The following CDC14B variants were observed in gnomAD, a reference collection of about 807,000 sequenced individuals.
The protein encoded by CDC14B is dual specificity protein phosphatase CDC14B.
In CDC14B, 22 loss-of-function variants were observed where a neutral mutation model predicts 64.2. The observed-to-expected ratio is 0.34, with a 90% CI of 0.24 to 0.49. The LOEUF is 0.49. Among genes scored for constraint, CDC14B ranks in the 20% least tolerant of loss-of-function variants. CDC14B has a pLI of 0.99. For synonymous variants in CDC14B, 191 were observed against 215.8 expected (o/e 0.89, Z 1.01); for missense variants, 498 against 629.9 (o/e 0.79, Z 2.24).
intron 5 of CDC14B, among the ~76,000 whole-genome samples, chr9:96,544,579 T>C (rs1324109389): frequency 1.3e-5 from 2 of 152,138 alleles, no homozygotes; most frequent in Non-Finnish European, 2.9e-5. Flanking sequence ...ACTGCAGCCT[T>C]GACCTCCTGG....
chr9:96,575,496 A>G (rs532865831), intron 1 of CDC14B, among the ~76,000 whole-genome samples: 55 of 152,332 alleles, frequency 3.6e-4, no homozygotes, highest in African/African-American at 1.3e-3. Context: ...TAGAAGAACT[A>G]TATAAGTTTT....
At chr9:96,543,420 A>G (rs1840371827) in intron 5 of CDC14B, among the ~76,000 whole-genome samples, 1 of 152,190 alleles carries the variant, frequency 6.6e-6, no homozygotes, top group South Asian at 2.1e-4. Context: ...AGGTGTAAAC[A>G]GCTGTGCCCT....
At chr9:96,522,445 C>T (rs1278924601) in intron 12 of CDC14B, 61 bp downstream of exon 12, 5 of 1,092,256 alleles carry the variant, frequency 4.6e-6, no homozygotes, top group Non-Finnish European at 7.1e-6. Flanking sequence ...GAAAAACCCT[C>T]ACCAAGGACC....
At chr9:96,495,114 G>A (rs568863762), downstream of CDC14B, among the ~76,000 whole-genome samples, 4 of 152,108 alleles carry the variant, frequency 2.6e-5, no homozygotes, top group East Asian at 3.9e-4. Context: ...GATTACAGGC[G>A]TGAGCCACCG....
intron 1 of CDC14B, among the ~76,000 whole-genome samples, chr9:96,593,856 A>C (rs1356355731): frequency 6.6e-6 from 1 of 152,200 alleles, no homozygotes; most frequent in Non-Finnish European, 1.5e-5. Flanking sequence ...CATGATAAAG[A>C]TGATAAACCA....
intron 1 of CDC14B, among the ~76,000 whole-genome samples, chr9:96,569,960 T>TC (rs1467767544): frequency 6.6e-6 from 1 of 152,094 alleles, no homozygotes; most frequent in Non-Finnish European, 1.5e-5. Flanking sequence ...AATCCATGTA[T>TC]CCCCCCATTG....
At chr9:96,547,813 G>T (rs10117440) in intron 5 of CDC14B, among the ~76,000 whole-genome samples, 18,424 of 151,514 alleles carry the variant, frequency 0.12, 3,682 homozygotes, top group African/African-American at 0.42. Flanking sequence ...GAGAGAGAAT[G>T]TATTATTGTT....
In CDC14B at chr9:96,581,492, T is replaced by C. The variant is rs183120382; in HGVS notation, c.161-16009A>G. On this transcript the variant is annotated intron_variant, in intron 1 of 13. Coordinates refer to ENST00000375241, the MANE Select transcript of CDC14B (RefSeq NM_033331.4). ...AAAAAATTAAATTAATTAATTAAAT[T>C]AATTAAATTTAAAAAATTAATTTAA... 7.3e-3 allele frequency among the ~76,000 whole-genome samples: 1,093 copies of C among 150,732 alleles called. 23 individuals carry two copies. Among genetic ancestry groups the C allele is most frequent in the African/African-American group, 0.025 (1,015 of 40,788 alleles).
intron 1 of CDC14B, among the ~76,000 whole-genome samples, chr9:96,583,809 C>G (rs942825118): frequency 6.6e-6 from 1 of 152,080 alleles, no homozygotes; most frequent in Non-Finnish European, 1.5e-5. Context: ...AGCTCCGCCT[C>G]CCGGGTTCAC....
chr9:96,590,239 G>GT (rs1409357531), intron 1 of CDC14B, among the ~76,000 whole-genome samples: 2 of 152,134 alleles, frequency 1.3e-5, no homozygotes, highest in Non-Finnish European at 2.9e-5. Flanking sequence ...GAATCAAGCA[G>GT]TATTTGTCTT....
At chr9:96,541,757 G>T in intron 6 of CDC14B, 69 bp downstream of exon 6, 1 of 1,055,384 alleles carries the variant, frequency 9.5e-7, no homozygotes, top group Non-Finnish European at 1.4e-6. Context: ...TCGGGAAGAA[G>T]GCCTAGTTTT....
At chr9:96,529,930 A>G (rs180883906) in intron 9 of CDC14B, among the ~76,000 whole-genome samples, 1 of 152,286 alleles carries the variant, frequency 6.6e-6, no homozygotes, top group African/African-American at 2.4e-5. Context: ...AAATGTTGAA[A>G]TTTTGACAGG....
At chr9:96,579,877 C>G (rs1251262600) in intron 1 of CDC14B, among the ~76,000 whole-genome samples, 3 of 152,068 alleles carry the variant, frequency 2.0e-5, no homozygotes, top group Non-Finnish European at 4.4e-5. Context: ...GTGAGGCGGA[C>G]AGAGGAATGC....
chr9:96,520,000 A>G (rs1488122958), intron 12 of CDC14B, among the ~76,000 whole-genome samples: 2 of 152,228 alleles, frequency 1.3e-5, no homozygotes, highest in East Asian at 3.8e-4. Context: ...TTCTATTCCT[A>G]AAATAACAAC....
chr9:96,542,666 T>C (rs1454949369), intron 5 of CDC14B, among the ~76,000 whole-genome samples: 1 of 152,130 alleles, frequency 6.6e-6, no homozygotes, highest in African/African-American at 2.4e-5. Context: ...CTTTTTTTTT[T>C]TTTTTTAAGG....
chr9:96,507,806 T>C (rs2131304126), intron 13 of CDC14B, among the ~76,000 whole-genome samples: 1 of 152,152 alleles, frequency 6.6e-6, no homozygotes, highest in South Asian at 2.1e-4. Context: ...AATAAGACGA[T>C]AAAAAAGAAA....
intron 1 of CDC14B, chr9:96,618,619 G>A (rs780910856): frequency 7.5e-6 from 4 of 531,368 alleles, no homozygotes; most frequent in Admixed American, 5.8e-5. Flanking sequence ...ACCCCGGGAG[G>A]CGGAGGCGTT....
chr9:96,557,508 G>C (rs1023704071), intron 4 of CDC14B, among the ~76,000 whole-genome samples: 5 of 152,166 alleles, frequency 3.3e-5, no homozygotes, highest in African/African-American at 1.2e-4. Flanking sequence ...GCTATTCTGA[G>C]TCCAAGATAA....
chr9:96,497,841 C>T (rs2131191463), downstream of CDC14B, among the ~76,000 whole-genome samples: 1 of 152,276 alleles, frequency 6.6e-6, no homozygotes, highest in South Asian at 2.1e-4. Context: ...GAGCCTAAGT[C>T]ACTTAGCCCA....
Sources: gnomAD v4.1 joint callset for allele counts (sites outside exome capture counted in the v4.1 genomes callset) on GRCh38, gnomAD v4.1.1 for gene constraint, MANE v1.5 for transcripts, NCBI Gene and HGNC (gene_info 2026-07-23, HGNC 2026-07-21) for gene names.